Variants in CSMD3 observed in about 807,000 individuals in gnomAD.
The protein encoded by CSMD3 is CUB and sushi domain-containing protein 3.
A neutral mutation model predicts 435.2 loss-of-function variants in CSMD3; 177 were observed. That is an observed-to-expected ratio of 0.41 (90% CI 0.36 to 0.46). The LOEUF is 0.46. Ranked by LOEUF, CSMD3 falls within the 20% of genes least tolerant of loss-of-function variation. CSMD3 has a pLI of 0.34. For synonymous variants in CSMD3, 1,656 were observed against 1,520.5 expected (o/e 1.09, Z -2.07); for missense variants, 4,265 against 4,504.6 (o/e 0.95, Z 1.52).
At chr8:112,858,813 T>G (rs964381819) in intron 11 of CSMD3, among the ~76,000 whole-genome samples, 2 of 151,884 alleles carry the variant, frequency 1.3e-5, no homozygotes, top group African/African-American at 2.4e-5. Flanking sequence ...CTGAATGATG[T>G]GTCAAACAGA....
At chr8:113,166,478 T>C (rs1195439783) in intron 4 of CSMD3, among the ~76,000 whole-genome samples, 2 of 152,092 alleles carry the variant, frequency 1.3e-5, no homozygotes, top group East Asian at 1.9e-4. Context: ...GTACTCCAGC[T>C]TGGGCGACAA....
At chr8:112,538,409 G>C (rs1826340488) in intron 27 of CSMD3, among the ~76,000 whole-genome samples, 1 of 152,152 alleles carries the variant, frequency 6.6e-6, no homozygotes, top group South Asian at 2.1e-4. Context: ...AAGTAATATT[G>C]TCCTTGTGTG....
intron 3 of CSMD3, among the ~76,000 whole-genome samples, chr8:113,185,805 G>A (rs1223932569): frequency 6.6e-6 from 1 of 151,916 alleles, no homozygotes; most frequent in Non-Finnish European, 1.5e-5. Context: ...AGCACTCGGG[G>A]CATTTGTATC....
intron 22 of CSMD3, among the ~76,000 whole-genome samples, chr8:112,596,436 T>C (rs1020706983): frequency 1.4e-4 from 22 of 152,084 alleles, no homozygotes; most frequent in African/African-American, 5.1e-4. Context: ...AACACCCCAC[T>C]GTCAACATTA....
chr8:112,549,029 T>C (rs563363934), intron 27 of CSMD3, among the ~76,000 whole-genome samples: 1 of 152,246 alleles, frequency 6.6e-6, no homozygotes, highest in East Asian at 1.9e-4. Flanking sequence ...TGTTTCCACT[T>C]AACCAGATAA....
At chr8:113,056,222 C>T (rs949447099) in intron 5 of CSMD3, among the ~76,000 whole-genome samples, 9 of 152,134 alleles carry the variant, frequency 5.9e-5, no homozygotes, top group African/African-American at 7.2e-5. Context: ...ACTGTCTACA[C>T]GAAAACACTT....
intron 3 of CSMD3, among the ~76,000 whole-genome samples, chr8:113,190,083 A>G (rs183702323): frequency 1.3e-5 from 2 of 151,528 alleles, no homozygotes; most frequent in East Asian, 3.9e-4. Flanking sequence ...AAGTAATTGT[A>G]CTTTCTGACA....
chr8:112,919,079 C>T (rs2082655219), intron 10 of CSMD3, among the ~76,000 whole-genome samples: 1 of 151,938 alleles, frequency 6.6e-6, no homozygotes, highest in Admixed American at 6.6e-5. Context: ...AAACCATACA[C>T]ATACGTGCCT....
In CSMD3 at chr8:112,306,035, G is replaced by A. The variant is rs2130786505; in HGVS notation, c.8043C>T (p.Ser2681=). The change falls in exon 51 of 71, where the codon AGC becomes AGT. Residue 2681 remains serine (S), a synonymous_variant. Transcript: ENST00000297405. ...TAVCQSDGTW[S]NHNKTPRCVV... is the part of the protein sequence containing the mutation. ...CACAGCGAGGGGTCTTGTTATGATT[G>A]CTCCATGTTCCATCTGATTGGCATA... is the stretch of plus-strand genomic sequence containing the variant. The A allele has an allele frequency of 1.2e-6, 2 of 1,613,720 alleles. No homozygotes were observed. Among genetic ancestry groups the A allele is most frequent in the East Asian group, 2.2e-5 (1 of 44,836 alleles).
chr8:113,018,324 T>C (rs2086549754), intron 6 of CSMD3, among the ~76,000 whole-genome samples: 1 of 151,932 alleles, frequency 6.6e-6, no homozygotes, highest in Non-Finnish European at 1.5e-5. Flanking sequence ...ATTTTCGAAG[T>C]GCTTAGGACT....
At chr8:112,244,908 GC>G (rs1346323553) in intron 64 of CSMD3, among the ~76,000 whole-genome samples, 1 of 151,806 alleles carries the variant, frequency 6.6e-6, no homozygotes, top group East Asian at 1.9e-4. Flanking sequence ...ACAAAAACCA[GC>G]ATTTTAAAGG....
chr8:113,404,776 C>A (rs186950121), intron 1 of CSMD3, among the ~76,000 whole-genome samples: 2 of 151,256 alleles, frequency 1.3e-5, no homozygotes, highest in East Asian at 1.9e-4. Flanking sequence ...TAAAGGAACA[C>A]AAAACTGGAA....
At chr8:112,976,213 A>G in intron 6 of CSMD3, 65 bp from the exon 7 acceptor site, 2 of 1,541,098 alleles carry the variant, frequency 1.3e-6, no homozygotes, top group South Asian at 1.1e-5. Context: ...TTTTTCTGAT[A>G]AATTTAATCA....
intron 2 of CSMD3, chr8:113,311,506 A>C (rs1045329131): frequency 2.6e-5 from 4 of 152,152 alleles, no homozygotes; most frequent in African/African-American, 9.6e-5. Flanking sequence ...AAAAAAAATA[A>C]ATATCAATTT....
At chr8:112,650,501 A>C (rs1318989149) in intron 18 of CSMD3, 152 bp from the exon 19 acceptor site, 2 of 709,248 alleles carry the variant, frequency 2.8e-6, no homozygotes, top group East Asian at 5.4e-5. Flanking sequence ...TTATTTAATA[A>C]ATTTGTTTTC....
intron 7 of CSMD3, among the ~76,000 whole-genome samples, chr8:112,961,733 TAA>T (rs146142582): frequency 6.6e-6 from 1 of 151,878 alleles, no homozygotes; most frequent in Admixed American, 6.6e-5. Flanking sequence ...CAAAACTATA[TAA>T]AAAATCATGT....
chr8:113,252,140 C>T (rs1322242779), intron 3 of CSMD3, among the ~76,000 whole-genome samples: 1 of 152,026 alleles, frequency 6.6e-6, no homozygotes, highest in Non-Finnish European at 1.5e-5. Context: ...CTCAGCAAGT[C>T]TTCTACTATT....
intron 30 of CSMD3, among the ~76,000 whole-genome samples, chr8:112,503,549 C>T (rs1320146417): frequency 2.0e-5 from 3 of 152,074 alleles, no homozygotes; most frequent in South Asian, 2.1e-4. Flanking sequence ...CTCCAATATA[C>T]TAATTGTTAA....
At chr8:113,064,493 A>C (rs10092455) in intron 5 of CSMD3, among the ~76,000 whole-genome samples, 71,306 of 151,978 alleles carry the variant, frequency 0.47, 18,962 homozygotes, top group East Asian at 0.87. Flanking sequence ...TTTTTAAATT[A>C]ATTCATTTAT....
Sources: allele counts gnomAD v4.1 joint callset (sites outside exome capture counted in the v4.1 genomes callset), GRCh38; gene constraint gnomAD v4.1.1; transcripts MANE v1.5; gene names NCBI Gene and HGNC (gene_info 2026-07-23, HGNC 2026-07-21).